TRPM7: variants seen among roughly 807,000 people sequenced by gnomAD.
TRPM7 encodes transient receptor potential cation channel subfamily M member 7.
In TRPM7, 134 loss-of-function variants were observed where a neutral mutation model predicts 229.7. That is an observed-to-expected ratio of 0.58 (90% CI 0.51 to 0.67). TRPM7 has a LOEUF of 0.67. TRPM7 is among the 30% of genes least tolerant of loss of function. The pLI is 0.00. For missense variants in TRPM7, 1,901 were observed against 2,210.0 expected (o/e 0.86, Z 2.80); for synonymous variants, 699 against 715.2 (o/e 0.98, Z 0.36).
chr15:50,623,398 G>A (rs1291799199), intron 12 of TRPM7, among the ~76,000 whole-genome samples: 18 of 145,074 alleles, frequency 1.2e-4, no homozygotes, highest in African/African-American at 3.3e-4. Context: ...GTGACAGAGC[G>A]AGATTCTGTC....
rs184256004 is a variant in TRPM7, at chr15:50,605,800, A to G, written c.2710-656T>C. Among the ~76,000 whole-genome samples, 9 of 152,362 alleles carry G rather than the reference A, an allele frequency of 5.9e-5. No individual in the cohort carries two copies. In the East Asian group the frequency reaches 1.5e-3, roughly 26 times the overall value. On this transcript the variant is annotated intron_variant, in intron 20 of 38. Transcript: ENST00000646667. Reference sequence around the variant, plus strand: ...TTAAAACGCTTTGCAATTTGCTTTTATCATTTAACAAATCAATTTCTTCAA... The same window carrying G: ...TTAAAACGCTTTGCAATTTGCTTTTGTCATTTAACAAATCAATTTCTTCAA...
chr15:50,608,205 G>A (rs969390912), intron 19 of TRPM7, among the ~76,000 whole-genome samples: 1 of 152,092 alleles, frequency 6.6e-6, no homozygotes, highest in Non-Finnish European at 1.5e-5. Context: ...CCCAGGTAAG[G>A]AAACAGCCCA....
In TRPM7 at chr15:50,627,986, T is replaced by A. The variant is rs566684203; in HGVS notation, c.1305+163A>T. 2.0e-5 allele frequency among the ~76,000 whole-genome samples: 3 copies of A among 152,350 alleles called. 1 individual carries two copies. In the Middle Eastern group the frequency reaches 0.01, roughly 518 times the overall value. ...ATAAGGTTTTATCTAGAGGCATACA[T>A]TAAATCCTAAACTGGATCGGAATGG... On this transcript the variant is annotated intron_variant, in intron 11 of 38. Transcript: ENST00000646667.
At chr15:50,656,445 G>C (rs1056122073) in intron 3 of TRPM7, among the ~76,000 whole-genome samples, 5 of 151,702 alleles carry the variant, frequency 3.3e-5, no homozygotes, top group African/African-American at 1.2e-4. Context: ...AGCCTCTTAA[G>C]TAGCTGGGAC....
At chr15:50,669,239 C>T (rs1027143950) in intron 1 of TRPM7, among the ~76,000 whole-genome samples, 2 of 151,456 alleles carry the variant, frequency 1.3e-5, no homozygotes, top group South Asian at 4.2e-4. Flanking sequence ...GTCTGGAGTT[C>T]GAGACCAGCC....
intron 21 of TRPM7, among the ~76,000 whole-genome samples, chr15:50,603,376 T>C (rs1040285369): frequency 2.0e-5 from 3 of 152,106 alleles, no homozygotes; most frequent in African/African-American, 7.2e-5. Flanking sequence ...TGCAGGTTTG[T>C]TACATATGTA....
chr15:50,594,417 T>C lies in TRPM7; in HGVS notation c.3475+12A>G, dbSNP rs778014903. On this transcript the variant is annotated intron_variant, in intron 24 of 38. Coordinates refer to ENST00000646667, the MANE Select transcript of TRPM7 (RefSeq NM_017672.6). ...TAAAATGAAAACATTTGCCTTAATA[T>C]AGTTTACTTACTTGGTCCATCGGAA... The C allele has an allele frequency of 1.9e-6, 3 of 1,593,042 alleles. No homozygotes were observed. In the South Asian group the frequency reaches 3.4e-5, roughly 18 times the overall value.
intron 28 of TRPM7, among the ~76,000 whole-genome samples, chr15:50,583,819 C>A (rs1387284344): frequency 6.6e-6 from 1 of 152,152 alleles, no homozygotes; most frequent in Non-Finnish European, 1.5e-5. Context: ...GGTGATCCAC[C>A]CGCCTCAACC....
At chr15:50,589,782 C>T in intron 26 of TRPM7, 126 bp from the exon 27 acceptor site, 1 of 583,914 alleles carries the variant, frequency 1.7e-6, no homozygotes, top group Admixed American at 3.5e-5. Context: ...GATGGCTCTG[C>T]AGTCTCCTTT....
At position 50,607,270 on chromosome 15, in the gene TRPM7, T is replaced by C. The variant is rs1435756182; in HGVS notation, c.2639A>G (p.Gln880Arg). 1.9e-6 allele frequency: 3 copies of C among 1,608,108 alleles called. No individual in the cohort carries two copies. The highest frequency in any genetic ancestry group is 1.7e-5 in the Admixed American group (1 of 59,238). ...AATCCATTCTTGAACTGAAGGTAAC[T>C]GTTCCATTTGTACAAGAACCACAAA... The part of the protein sequence containing the change: ...YTFVVLVQME[Q>R]LPSVQEWIVI... The change falls in exon 20 of 39, where the codon CAG becomes CGG. Residue 880 changes from glutamine to arginine, a missense_variant. Physicochemically the swap from Gln to Arg is conservative, Grantham distance 43 (BLOSUM62 1). Transcript: ENST00000646667.
intron 10 of TRPM7, among the ~76,000 whole-genome samples, chr15:50,628,807 T>C (rs894224632): frequency 7.2e-5 from 11 of 152,208 alleles, no homozygotes; most frequent in African/African-American, 2.7e-4. Context: ...GATGAACTGT[T>C]TCTATCACAG....
chr15:50,673,474 T>G (rs1814311987), intron 1 of TRPM7, among the ~76,000 whole-genome samples: 2 of 152,134 alleles, frequency 1.3e-5, no homozygotes, highest in South Asian at 4.1e-4. Flanking sequence ...CTTATGCCTT[T>G]GCGTCCTCAT....
chr15:50,564,489 T>C (rs985480389), intron 38 of TRPM7, among the ~76,000 whole-genome samples: 47 of 151,764 alleles, frequency 3.1e-4, no homozygotes, highest in African/African-American at 1.0e-3. Flanking sequence ...CTGGAAACAA[T>C]GCAGTAATAT....
intron 2 of TRPM7, among the ~76,000 whole-genome samples, chr15:50,661,946 G>A (rs898982984): frequency 3.3e-5 from 5 of 152,216 alleles, no homozygotes; most frequent in East Asian, 1.9e-4. Flanking sequence ...TGCTGGGTGC[G>A]GTGGCTCACA....
At chr15:50,639,694 G>A (rs2061029427) in intron 5 of TRPM7, 146 bp from the exon 6 acceptor site, 1 of 569,756 alleles carries the variant, frequency 1.8e-6, no homozygotes, top group African/African-American at 1.9e-5. Context: ...AGCCTCCCCA[G>A]TAGGTGGGAC....
At chr15:50,650,619 T>C (rs2061396554) in intron 3 of TRPM7, among the ~76,000 whole-genome samples, 1 of 151,838 alleles carries the variant, frequency 6.6e-6, no homozygotes, top group Admixed American at 6.6e-5. Context: ...CGCTTGAACC[T>C]GGGAGGCAGA....
At chr15:50,594,243 T>A (rs1204916606) in intron 24 of TRPM7, among the ~76,000 whole-genome samples, 186 bp downstream of exon 24, 4 of 152,220 alleles carry the variant, frequency 2.6e-5, no homozygotes, top group Admixed American at 2.6e-4. Context: ...CGAAGTTTAA[T>A]GCTAAATCCA....
intron 6 of TRPM7, among the ~76,000 whole-genome samples, chr15:50,637,845 CAA>C (rs1476867167): frequency 6.6e-6 from 1 of 152,128 alleles, no homozygotes; most frequent in Non-Finnish European, 1.5e-5. Context: ...TCATCACATG[CAA>C]AGAGAGAAGC....
At chr15:50,626,434 G>C (rs761836628) in intron 11 of TRPM7, among the ~76,000 whole-genome samples, 2 of 152,094 alleles carry the variant, frequency 1.3e-5, no homozygotes, top group Non-Finnish European at 2.9e-5. Context: ...AAAAAAAAGT[G>C]TCTGTTTTGT....
Sources: allele counts gnomAD v4.1 joint callset (sites outside exome capture counted in the v4.1 genomes callset), GRCh38; gene constraint gnomAD v4.1.1; transcripts MANE v1.5; gene names NCBI Gene and HGNC (gene_info 2026-07-23, HGNC 2026-07-21).